Variants in UTP4 observed in about 807,000 individuals in gnomAD.
The protein encoded by UTP4 is UTP4 small subunit processome component.
In UTP4, 45 loss-of-function variants were observed where a neutral mutation model predicts 82.4. The observed-to-expected ratio is 0.55, with a 90% CI of 0.43 to 0.70. The LOEUF is 0.70. Ranked by LOEUF, UTP4 falls within the 30% of genes least tolerant of loss-of-function variation. The probability of loss-of-function intolerance (pLI) is 0.00; values close to 1 mark genes in which losing one functional copy is unlikely to be tolerated. For missense variants in UTP4, 819 were observed against 858.3 expected (o/e 0.95, Z 0.57); for synonymous variants, 348 against 300.3 (o/e 1.16, Z -1.64).
chr16:69,140,558 A>G (rs1392477566), intron 5 of UTP4, among the ~76,000 whole-genome samples: 1 of 152,140 alleles, frequency 6.6e-6, no homozygotes, highest in Non-Finnish European at 1.5e-5. Context: ...TCTACTAAAA[A>G]TACAAAATTA....
intron 16 of UTP4, 73 bp downstream of exon 16, chr16:69,167,258 C>A: frequency 9.8e-7 from 1 of 1,021,856 alleles, no homozygotes. Context: ...ACTCCACAAT[C>A]GGAAGATAAG....
chr16:69,135,340 T>C (rs1280921095), intron 2 of UTP4, among the ~76,000 whole-genome samples: 1 of 152,188 alleles, frequency 6.6e-6, no homozygotes, highest in Non-Finnish European at 1.5e-5. Flanking sequence ...TTTCCTGCTT[T>C]CCCTATATTC....
At chr16:69,156,357 C>T (rs1963414954) in intron 11 of UTP4, among the ~76,000 whole-genome samples, 1 of 151,538 alleles carries the variant, frequency 6.6e-6, no homozygotes, top group Admixed American at 6.6e-5. Flanking sequence ...GTTTCACCAC[C>T]CGTTGGCCAT....
chr16:69,137,079 C>G lies in UTP4; in HGVS notation c.351+192C>G, dbSNP rs560770692. 3.9e-5 allele frequency among the ~76,000 whole-genome samples: 6 copies of G among 152,278 alleles called. No homozygotes were observed. The South Asian group carries it at 1.2e-3, about 32-fold the overall frequency. On this transcript the variant is annotated intron_variant, in intron 3 of 16. Transcript: ENST00000314423. Reference sequence around the variant, plus strand: ...GCTACTAGTCTGGACCTTGTTGATTCATTTATGAAATGAGAGGATTACATC... The same window carrying G: ...GCTACTAGTCTGGACCTTGTTGATTGATTTATGAAATGAGAGGATTACATC...
In UTP4 at chr16:69,150,525, T is replaced by G. The variant is rs770958272; in HGVS notation, c.739-12T>G. 6.2e-7 allele frequency: 1 copy of G among 1,614,202 alleles called. No homozygotes were observed. The highest frequency in any genetic ancestry group is 8.5e-7 in the Non-Finnish European group (1 of 1,180,030). On this transcript the variant is annotated splice_polypyrimidine_tract_variant and intron_variant, in intron 6 of 16. Transcript: ENST00000314423. ...TGCTTACGTGTACCTCCCTCATGAT[T>G]TAATTCCTCAGCAAGAAGACAGTTT...
chr16:69,157,635 GTTGT>G (rs915475820), intron 12 of UTP4, among the ~76,000 whole-genome samples: 5 of 151,938 alleles, frequency 3.3e-5, no homozygotes, highest in Non-Finnish European at 2.9e-5. Flanking sequence ...GCCTTTTTTG[GTTGT>G]TTGTTCATAA....
chr16:69,156,546 CCT>C (rs1006496941), intron 11 of UTP4, among the ~76,000 whole-genome samples: 4 of 151,850 alleles, frequency 2.6e-5, no homozygotes, highest in African/African-American at 9.7e-5. Context: ...GCAATCTCTG[CCT>C]CTCGGGTTCA....
chr16:69,138,792 C>G (rs1197088128), intron 4 of UTP4, among the ~76,000 whole-genome samples: 1 of 152,102 alleles, frequency 6.6e-6, no homozygotes, highest in Non-Finnish European at 1.5e-5. Context: ...AGGCTGTGCT[C>G]CAGTAAAAAC....
intron 12 of UTP4, 141 bp from the exon 13 acceptor site, chr16:69,160,215 T>G: frequency 1.3e-6 from 1 of 764,234 alleles, no homozygotes; most frequent in South Asian, 1.4e-5. Flanking sequence ...CATCTAGAAG[T>G]AATTTGCACA....
Position 69,150,907 on chromosome 16 carries a change from A to G in UTP4, c.1002+3A>G. On this transcript the variant is annotated splice_donor_region_variant and intron_variant, in intron 8 of 16. Transcript: ENST00000314423. ...TCCGAAAAATCACCTTTCCCCACGT[A>G]AGTGTCCATTCCAAGCCCCTGCTAA... 1.2e-6 allele frequency: 2 copies of G among 1,609,700 alleles called. No individual in the cohort carries two copies. The highest frequency in any genetic ancestry group is 1.1e-5 in the South Asian group (1 of 90,946).
chr16:69,144,770 A>G (rs1018135243), intron 6 of UTP4, among the ~76,000 whole-genome samples: 7 of 152,230 alleles, frequency 4.6e-5, no homozygotes, highest in African/African-American at 1.7e-4. Flanking sequence ...TAATAGTGGT[A>G]TAAGTTGAAA....
At chr16:69,137,430 G>A (rs1308080760) in intron 3 of UTP4, among the ~76,000 whole-genome samples, 5 of 152,148 alleles carry the variant, frequency 3.3e-5, no homozygotes, top group South Asian at 2.1e-4. Flanking sequence ...TAATTTGCAC[G>A]ATATCTGAAG....
rs562473484 is a variant in UTP4, at chr16:69,145,084, G to T, written c.738+1695G>T. The stretch of plus-strand genomic sequence containing the variant: ...TTGAACCCGGGAGTCGGAGGTTGCA[G>T]TGAGCCGAGATCATGCCATTGCCCT... On this transcript the variant is annotated intron_variant, in intron 6 of 16. Transcript: ENST00000314423. 1.3e-3 allele frequency among the ~76,000 whole-genome samples: 201 copies of T among 152,022 alleles called. 2 individuals are homozygous for T. Among genetic ancestry groups the T allele is most frequent in the African/African-American group, 4.6e-3 (191 of 41,500 alleles).
chr16:69,162,074 T>A (rs1344519742), intron 13 of UTP4, among the ~76,000 whole-genome samples: 1 of 150,634 alleles, frequency 6.6e-6, no homozygotes, highest in Non-Finnish European at 1.5e-5. Flanking sequence ...TTCAAGTGAT[T>A]CTCCTGCCTC....
In UTP4 at chr16:69,150,584, T is replaced by C; in HGVS notation, c.786T>C (p.His262=). 1 of 1,614,214 alleles carries C rather than the reference T, an allele frequency of 6.2e-7. No homozygotes were observed. The highest frequency in any genetic ancestry group is 8.5e-7 in the Non-Finnish European group (1 of 1,180,024). Residue 262 remains histidine, a synonymous_variant, in exon 7 of 17, where the codon CAT becomes CAC. Transcript: ENST00000314423. ...GCACAGCCGAGGGAACAGTCTTCCA[T>C]TTTCAGCTGGTCCCTGTGACATCTA... is the stretch of plus-strand genomic sequence containing the variant. ...VVGTAEGTVF[H]FQLVPVTSNS...
chr16:69,163,889 T>TG (rs34376000), intron 14 of UTP4, among the ~76,000 whole-genome samples: 15,905 of 147,272 alleles, frequency 0.11, 1,148 homozygotes, highest in Middle Eastern at 0.21. Context: ...AGTTTGTTTT[T>TG]TTTTTTTTTT....
chr16:69,164,297 C>T (rs1324055290), intron 14 of UTP4, among the ~76,000 whole-genome samples: 1 of 152,216 alleles, frequency 6.6e-6, no homozygotes, highest in East Asian at 1.9e-4. Flanking sequence ...TGAAGCCACA[C>T]ATCTTTGCCT....
intron 4 of UTP4, among the ~76,000 whole-genome samples, chr16:69,138,572 T>G (rs1962873655): frequency 6.6e-6 from 1 of 152,160 alleles, no homozygotes; most frequent in African/African-American, 2.4e-5. Flanking sequence ...TCTGGTGCAT[T>G]CAAGTTGAAT....
intron 15 of UTP4, chr16:69,165,779 A>G (rs985882742): frequency 1.2e-5 from 7 of 590,488 alleles, no homozygotes; most frequent in African/African-American, 7.5e-5. Context: ...TGATTTGACT[A>G]TTTGTCTACT....
Sources: gnomAD v4.1 joint callset for allele counts (sites outside exome capture counted in the v4.1 genomes callset) on GRCh38, gnomAD v4.1.1 for gene constraint, MANE v1.5 for transcripts, NCBI Gene and HGNC (gene_info 2026-07-23, HGNC 2026-07-21) for gene names.